The following NSMAF variants were observed in gnomAD, a reference collection of about 807,000 sequenced individuals.
NSMAF encodes the protein protein FAN.
NSMAF carries 90 observed loss-of-function variants against 134.9 expected under a neutral mutation model. The observed-to-expected ratio is 0.67, with a 90% confidence interval of 0.56 to 0.79. NSMAF has a LOEUF of 0.79. Among genes scored for constraint, NSMAF ranks in the 30% least tolerant of loss-of-function variants. The probability of loss-of-function intolerance (pLI) is 0.00; values close to 1 mark genes in which losing one functional copy is unlikely to be tolerated. For missense variants in NSMAF, 1,010 were observed against 1,119.0 expected (o/e 0.90, Z 1.39); for synonymous variants, 358 against 389.6 (o/e 0.92, Z 0.96).
In NSMAF at chr8:58,623,428, C is replaced by T. The variant is rs1224935913; in HGVS notation, c.457-4G>A. 9 of 1,613,426 alleles carry T rather than the reference C, an allele frequency of 5.6e-6. No individual in the cohort carries two copies. In the South Asian group the frequency reaches 9.9e-5, roughly 18 times the overall value. On this transcript the variant is annotated splice_polypyrimidine_tract_variant and splice_region_variant and intron_variant, in intron 7 of 30. Transcript: ENST00000038176. ...CAAGGCAGGATGCTCTGTGAAGCTA[C>T]AGTATCATAAACAGACATGAATTTA... is the stretch of plus-strand genomic sequence containing the variant.
Position 58,589,494 on chromosome 8 carries a change from A to C in NSMAF, c.2169T>G (p.His723Gln). ...HDDAVSKICW[H>Q]DNRLYSASWD... ...ACGATGCAGAATATAGCCTGTTGTC[A>C]TGCCAACAGATCTTACTAACAGCAT... Residue 723 changes from histidine to glutamine, a missense_variant, in exon 26 of 31, where the codon CAT becomes CAG. Coordinates refer to ENST00000038176, the MANE Select transcript of NSMAF (RefSeq NM_003580.4). 6.4e-7 allele frequency: 1 copy of C among 1,562,666 alleles called. No individual in the cohort carries two copies. The highest frequency in any genetic ancestry group is 1.4e-5 in the African/African-American group (1 of 71,170).
At position 58,603,301 on chromosome 8, in the gene NSMAF, G is replaced by A. The variant is rs150048294; in HGVS notation, c.954C>T (p.His318=). 270 of 1,614,194 alleles carry A rather than the reference G, an allele frequency of 1.7e-4. No individual in the cohort carries two copies. The highest frequency in any genetic ancestry group is 8.2e-4 in the Middle Eastern group (5 of 6,062). The change falls in exon 13 of 31, where the codon CAC becomes CAT. Residue 318 remains histidine (H), a synonymous_variant. Transcript: ENST00000038176. ...AGCTGCGGTCGGCCAGGTTGTTGAG[G>A]TGAAGGAGGTACTGATAGTTGGAAA... ...GHLSNYQYLL[H]LNNLADRSCN...
rs1340738012 is a variant in NSMAF at position 58,602,128 on chromosome 8, T to G, written c.1055A>C (p.Asn352Thr). 3 of 1,612,852 alleles carry G rather than the reference T, an allele frequency of 1.9e-6. No homozygotes were observed. Among genetic ancestry groups the G allele is most frequent in the Non-Finnish European group, 2.5e-6 (3 of 1,179,104 alleles). The change falls in exon 14 of 31, where the codon AAT (asparagine) becomes ACT (threonine). Residue 352 changes from asparagine to threonine, a missense_variant. Asn to Thr is a moderately conservative substitution (Grantham distance 65). Coordinates refer to ENST00000038176, the MANE Select transcript of NSMAF (RefSeq NM_003580.4). ...DYSSSELDLSNPGTFRDLSKP... is the reference protein window; with the variant it reads ...DYSSSELDLSTPGTFRDLSKP... ...ACTGAGATCCCGGAAGGTTCCTGGA[T>G]TTGACAAATCTATAAACATAAATCA...
intron 5 of NSMAF, 54 bp downstream of exon 5, chr8:58,635,135 A>G: frequency 7.8e-7 from 1 of 1,281,000 alleles, no homozygotes; most frequent in Non-Finnish European, 1.1e-6. Flanking sequence ...TCATTCATGC[A>G]CATATATAAG....
At position 58,599,827 on chromosome 8, in the gene NSMAF, T is replaced by G. The variant is rs777611782; in HGVS notation, c.1376A>C (p.Asn459Thr). Residue 459 changes from asparagine to threonine, a missense_variant, in exon 18 of 31, where the codon AAT becomes ACT. Physicochemically the swap from Asn to Thr is moderately conservative, Grantham distance 65. Transcript: ENST00000038176. ...CTTTCCCAAATCCAACTTCAGGCTA[T>G]TGACTAGAAAGCTCACATCATCACC... is the stretch of plus-strand genomic sequence containing the variant. ...FYGDDVSFLV[N>T]SLKLDLGKRQ... 6.2e-7 allele frequency: 1 copy of G among 1,614,182 alleles called. No homozygotes were observed. The highest frequency in any genetic ancestry group is 8.5e-7 in the Non-Finnish European group (1 of 1,180,030).
chr8:58,592,255 G>C (rs1806036436), intron 23 of NSMAF, among the ~76,000 whole-genome samples: 1 of 152,124 alleles, frequency 6.6e-6, no homozygotes, highest in African/African-American at 2.4e-5. Flanking sequence ...ATGTCTAGTG[G>C]TTAGGATTTG....
Position 58,587,616 on chromosome 8 carries a change from AC to A in NSMAF, c.2295+1del. 6.2e-7 allele frequency: 1 copy of A among 1,613,732 alleles called. No individual in the cohort carries two copies. The highest frequency in any genetic ancestry group is 8.5e-7 in the Non-Finnish European group (1 of 1,179,630). On this transcript the variant is annotated splice_donor_variant, in intron 27 of 30. Coordinates refer to ENST00000038176, the MANE Select transcript of NSMAF (RefSeq NM_003580.4). LOFTEE classifies it high-confidence loss of function. ...TCTGTACAGTTTGTTGCTGGTACTC[AC>A]ACTGACATCATGTTCCAGCTCGGCC...
chr8:58,618,103 C>A (rs557284681), intron 9 of NSMAF, among the ~76,000 whole-genome samples: 10 of 152,120 alleles, frequency 6.6e-5, no homozygotes, highest in Admixed American at 1.3e-4. Flanking sequence ...TAGGTGGGAA[C>A]TGAACAATGA....
chr8:58,641,533 G>C (rs192585569), intron 2 of NSMAF, among the ~76,000 whole-genome samples: 3 of 152,120 alleles, frequency 2.0e-5, no homozygotes, highest in African/African-American at 7.2e-5. Flanking sequence ...CCTGTCCCTT[G>C]CTTTTTACAC....
At chr8:58,595,816 C>G in intron 21 of NSMAF, 157 bp from the exon 22 acceptor site, 2 of 565,024 alleles carry the variant, frequency 3.5e-6, no homozygotes, top group Non-Finnish European at 6.4e-6. Flanking sequence ...GATGGTTCCA[C>G]GTTAGTCAAG....
At chr8:58,601,684 G>A in intron 14 of NSMAF, 149 bp from the exon 15 acceptor site, 2 of 1,246,964 alleles carry the variant, frequency 1.6e-6, no homozygotes, top group South Asian at 1.8e-5. Flanking sequence ...AGATAAGAGG[G>A]AAAGAAAATC....
intron 19 of NSMAF, among the ~76,000 whole-genome samples, chr8:58,598,490 CAAAAAAAA>C (rs71250204): frequency 0.026 from 3,325 of 125,948 alleles, 52 homozygotes; most frequent in East Asian, 0.18. Flanking sequence ...CTGTCTCAAA[CAAAAAAAA>C]AAAAAAAAAA....
chr8:58,655,212 T>C (rs747801202), intron 1 of NSMAF, among the ~76,000 whole-genome samples: 1 of 152,092 alleles, frequency 6.6e-6, no homozygotes, highest in East Asian at 1.9e-4. Context: ...GTTCAAACGA[T>C]CTTTGTGCCT....
At chr8:58,622,352 C>A (rs1806805531) in intron 9 of NSMAF, among the ~76,000 whole-genome samples, 1 of 151,856 alleles carries the variant, frequency 6.6e-6, no homozygotes, top group Non-Finnish European at 1.5e-5. Flanking sequence ...TCCCACCTTG[C>A]CTCTCAAGTA....
chr8:58,637,017 T>TACACACAC (rs34638032), intron 2 of NSMAF, among the ~76,000 whole-genome samples: 1 of 146,910 alleles, frequency 6.8e-6, no homozygotes, highest in Non-Finnish European at 1.5e-5. Flanking sequence ...ATTAAGATTA[T>TACACACAC]ACACACACAC....
intron 19 of NSMAF, 129 bp from the exon 20 acceptor site, chr8:58,598,031 G>T: frequency 1.5e-6 from 1 of 668,112 alleles, no homozygotes; most frequent in Non-Finnish European, 2.6e-6. Context: ...TTGCAAAACA[G>T]ACTAATATCC....
chr8:58,599,652 A>G (rs1204561525), intron 18 of NSMAF, 98 bp downstream of exon 18: 2 of 1,336,228 alleles, frequency 1.5e-6, no homozygotes, highest in East Asian at 4.6e-5. Context: ...AGAGAATTAT[A>G]TTGTGATTTT....
rs548116432 is a variant in NSMAF, at chr8:58,654,667, T to C, written c.59+4906A>G. ...TGCCTGTTAAACTATTAATGTAATATGCAGGCACCAAATACAGAATTCAAG... is the reference window on the plus strand; with the variant it reads ...TGCCTGTTAAACTATTAATGTAATACGCAGGCACCAAATACAGAATTCAAG... On this transcript the variant is annotated intron_variant, in intron 1 of 30. Coordinates refer to ENST00000038176, the MANE Select transcript of NSMAF (RefSeq NM_003580.4). Among the ~76,000 whole-genome samples the C allele has an allele frequency of 1.2e-4, 18 of 152,354 alleles. No homozygotes were observed. The East Asian group carries it at 3.5e-3, about 29-fold the overall frequency.
intron 1 of NSMAF, among the ~76,000 whole-genome samples, chr8:58,648,979 C>T (rs561682685): frequency 3.7e-4 from 56 of 152,338 alleles, no homozygotes; most frequent in African/African-American, 1.2e-3. Context: ...AGGGGGCCAC[C>T]TGCCCTCTAG....
Sources: allele counts gnomAD v4.1 joint callset (sites outside exome capture counted in the v4.1 genomes callset), GRCh38; gene constraint gnomAD v4.1.1; transcripts MANE v1.5; gene names NCBI Gene and HGNC (gene_info 2026-07-23, HGNC 2026-07-21).